Variants in FERRY3 observed in about 807,000 individuals in gnomAD.
FERRY3 encodes the protein FERRY endosomal RAB5 effector complex subunit 3.
the FERRY3 span, among the ~76,000 whole-genome samples, chr12:4,499,344 T>G: frequency 6.6e-6 from 1 of 152,198 alleles, no homozygotes; most frequent in Admixed American, 6.5e-5. Flanking sequence ...GGCACAGAGT[T>G]GCTGATAGTA....
At chr12:4,518,720 A>G in the FERRY3 span, 1 of 1,006,412 alleles carries the variant, frequency 9.9e-7, no homozygotes, top group Non-Finnish European at 1.5e-6. Flanking sequence ...ATAATTAAAA[A>G]ATAGTTTCAG....
the FERRY3 span, among the ~76,000 whole-genome samples, chr12:4,529,232 T>C: frequency 6.6e-6 from 1 of 152,214 alleles, no homozygotes; most frequent in Non-Finnish European, 1.5e-5. Flanking sequence ...GCATTGTTTG[T>C]ATACTGTGTT....
the FERRY3 span, among the ~76,000 whole-genome samples, chr12:4,491,728 T>A: frequency 6.6e-6 from 1 of 152,218 alleles, no homozygotes. Flanking sequence ...GACGTAAGTG[T>A]CACTGTTAGT....
the FERRY3 span, among the ~76,000 whole-genome samples, chr12:4,519,323 TGAA>T: frequency 0.036 from 5,495 of 152,266 alleles, 320 homozygotes; most frequent in African/African-American, 0.12. The surrounding 1 kb of genome is among the most constrained non-coding windows in gnomAD (Gnocchi z 4.3). Flanking sequence ...ATAAAAAAGA[TGAA>T]GTTCATTTTG....
the FERRY3 span, among the ~76,000 whole-genome samples, chr12:4,523,880 G>A: frequency 5.3e-5 from 8 of 152,008 alleles, no homozygotes. Context: ...AATGGGTGCA[G>A]CACACCAACA....
At chr12:4,497,514 G>A in the FERRY3 span, among the ~76,000 whole-genome samples, 1 of 152,114 alleles carries the variant, frequency 6.6e-6, no homozygotes, top group East Asian at 1.9e-4. Context: ...CAATAAAGAA[G>A]TTAAAAACAA....
At chr12:4,533,517 C>T in the FERRY3 span, among the ~76,000 whole-genome samples, 1 of 152,116 alleles carries the variant, frequency 6.6e-6, no homozygotes, top group Non-Finnish European at 1.5e-5. Context: ...CTTTTCTTTG[C>T]CTCTTATACT....
the FERRY3 span, among the ~76,000 whole-genome samples, chr12:4,511,610 G>C: frequency 9.3e-5 from 14 of 150,152 alleles, no homozygotes; most frequent in African/African-American, 3.5e-4. Context: ...CAACTACATG[G>C]AAACTGAACA....
chr12:4,518,866 A>G, the FERRY3 span: 2 of 1,575,718 alleles, frequency 1.3e-6, no homozygotes, highest in African/African-American at 2.7e-5. Flanking sequence ...ACTTGGCTGA[A>G]CTTTAATTTC....
At chr12:4,509,684 G>A in the FERRY3 span, among the ~76,000 whole-genome samples, 4 of 142,704 alleles carry the variant, frequency 2.8e-5, no homozygotes, top group Non-Finnish European at 6.1e-5. Flanking sequence ...TGCAGCTGAG[G>A]GTCCTGTCTG....
the FERRY3 span, among the ~76,000 whole-genome samples, chr12:4,498,581 A>G: frequency 6.6e-6 from 1 of 152,252 alleles, no homozygotes; most frequent in Non-Finnish European, 1.5e-5. Flanking sequence ...TGGTAAAACT[A>G]TACCAGCATA....
chr12:4,529,727 A>G, the FERRY3 span: 1 of 676,570 alleles, frequency 1.5e-6, no homozygotes, highest in Non-Finnish European at 2.3e-6. Flanking sequence ...ACACATTTAA[A>G]CATACAAGAA....
the FERRY3 span, among the ~76,000 whole-genome samples, chr12:4,509,575 A>G: frequency 6.7e-6 from 1 of 148,224 alleles, no homozygotes; most frequent in Non-Finnish European, 1.5e-5. Flanking sequence ...TGCCTCCTCA[A>G]GTGGGTCCCT....
At chr12:4,495,701 G>A in the FERRY3 span, among the ~76,000 whole-genome samples, 8 of 152,314 alleles carry the variant, frequency 5.3e-5, no homozygotes, top group Admixed American at 1.3e-4. Context: ...AATGAAGTTC[G>A]TTGTCCCACT....
the FERRY3 span, chr12:4,505,484 G>T: frequency 5.4e-6 from 4 of 747,366 alleles, no homozygotes; most frequent in Non-Finnish European, 6.8e-6. Context: ...ATTCACTAAG[G>T]GCATCTATGT....
the FERRY3 span, among the ~76,000 whole-genome samples, chr12:4,537,316 G>A: frequency 6.6e-6 from 1 of 152,144 alleles, no homozygotes; most frequent in African/African-American, 2.4e-5. Flanking sequence ...ATTGGGTCCC[G>A]ACAGGCTCTC....
At chr12:4,516,406 C>G in the FERRY3 span, among the ~76,000 whole-genome samples, 1 of 152,172 alleles carries the variant, frequency 6.6e-6, no homozygotes, top group African/African-American at 2.4e-5. Flanking sequence ...TATAAAGATA[C>G]ATGCACACGC....
the FERRY3 span, among the ~76,000 whole-genome samples, chr12:4,529,323 C>T: frequency 2.7e-4 from 41 of 152,004 alleles, 1 homozygote; most frequent in Middle Eastern, 6.3e-3. Flanking sequence ...TTCTAAGGTA[C>T]TTGAGCGTAC....
the FERRY3 span, chr12:4,489,065 T>C: frequency 1.3e-5 from 2 of 152,624 alleles, no homozygotes; most frequent in African/African-American, 4.8e-5. Flanking sequence ...ATTGTCACAA[T>C]GTTGATGAGC....
Sources: gnomAD v4.1 joint callset for allele counts (sites outside exome capture counted in the v4.1 genomes callset) on GRCh38, gnomAD v4.1.1 for gene constraint, Gnocchi (gnomAD v3.1) non-coding constraint, MANE v1.5 for transcripts, NCBI Gene and HGNC (gene_info 2026-07-23, HGNC 2026-07-21) for gene names.